CORO2B: variants seen among roughly 807,000 people sequenced by gnomAD.
CORO2B encodes coronin 2B, also known as coronin-2B.
A neutral mutation model predicts 58.8 loss-of-function variants in CORO2B; 26 were observed. The observed-to-expected ratio is 0.44, with a 90% CI of 0.32 to 0.61. The LOEUF (loss-of-function observed/expected upper bound fraction) is 0.61, where lower values mean the gene tolerates loss of function less well. Ranked by LOEUF, CORO2B falls within the 20% of genes least tolerant of loss-of-function variation. CORO2B has a pLI of 0.04. For synonymous variants in CORO2B, 242 were observed against 253.8 expected, an observed-to-expected ratio of 0.95 and a Z score of 0.44; for missense variants, 460 against 645.1, an observed-to-expected ratio of 0.71 and a Z score of 3.11.
chr15:68,668,672 G>A (rs1902278065), intron 2 of CORO2B, among the ~76,000 whole-genome samples: 1 of 152,288 alleles, frequency 6.6e-6, no homozygotes. Flanking sequence ...TGGAGACCAC[G>A]CCAGTTTGGA....
chr15:68,707,843 T>A (rs1413783827), intron 3 of CORO2B, among the ~76,000 whole-genome samples: 1 of 152,128 alleles, frequency 6.6e-6, no homozygotes, highest in Non-Finnish European at 1.5e-5. Flanking sequence ...CTCAGTCACT[T>A]CCAGACCAGT....
intron 1 of CORO2B, among the ~76,000 whole-genome samples, chr15:68,592,593 TG>T (rs921144173): frequency 3.3e-5 from 5 of 152,298 alleles, no homozygotes; most frequent in Admixed American, 6.5e-5. Context: ...AATAAATAAA[TG>T]AAAAAAGATT....
chr15:68,570,719 AG>A, the CORO2B span, among the ~76,000 whole-genome samples: 2 of 150,828 alleles, frequency 1.3e-5, no homozygotes, highest in Non-Finnish European at 3.0e-5. Context: ...AGGGAAGGAA[AG>A]GGTCTGTGTT....
At chr15:68,609,418 G>GT (rs1435380615) in intron 1 of CORO2B, among the ~76,000 whole-genome samples, 1 of 152,208 alleles carries the variant, frequency 6.6e-6, no homozygotes, top group Non-Finnish European at 1.5e-5. Flanking sequence ...GGCTGTGGCT[G>GT]TGCAGGCTTT....
intron 2 of CORO2B, among the ~76,000 whole-genome samples, chr15:68,653,227 G>C (rs1210982961): frequency 6.6e-6 from 1 of 152,224 alleles, no homozygotes; most frequent in Non-Finnish European, 1.5e-5. Flanking sequence ...TCATCTAACA[G>C]ATGGGTATTG....
At chr15:68,619,799 A>G (rs978895807) in intron 1 of CORO2B, among the ~76,000 whole-genome samples, 4 of 152,116 alleles carry the variant, frequency 2.6e-5, no homozygotes, top group African/African-American at 9.7e-5. Context: ...CTCAGTGTGA[A>G]TAGTAGGACC....
At chr15:68,593,244 T>A (rs1565563) in intron 1 of CORO2B, among the ~76,000 whole-genome samples, 10 of 152,186 alleles carry the variant, frequency 6.6e-5, no homozygotes, top group African/African-American at 1.4e-4. Context: ...TTGGCAGAGA[T>A]ATTCAAACCG....
At chr15:68,623,108 T>A (rs150217943) in intron 1 of CORO2B, among the ~76,000 whole-genome samples, 42 of 152,122 alleles carry the variant, frequency 2.8e-4, no homozygotes, top group Middle Eastern at 3.4e-3. Flanking sequence ...GAGGTTGCAG[T>A]GAGCCGAGAT....
At chr15:68,706,707 ATTTT>A (rs1000025885) in intron 3 of CORO2B, among the ~76,000 whole-genome samples, 1 of 151,026 alleles carries the variant, frequency 6.6e-6, no homozygotes, top group African/African-American at 2.4e-5. Context: ...GATGCCTGGT[ATTTT>A]TTTTTCTTTT....
At chr15:68,680,191 C>CA (rs1432211577) in intron 2 of CORO2B, among the ~76,000 whole-genome samples, 34 of 152,142 alleles carry the variant, frequency 2.2e-4, no homozygotes, top group African/African-American at 7.2e-4. Flanking sequence ...ACAACAGTAT[C>CA]TTTGCAGCTG....
intron 2 of CORO2B, among the ~76,000 whole-genome samples, chr15:68,649,652 T>C (rs1001611456): frequency 6.6e-6 from 1 of 152,242 alleles, no homozygotes; most frequent in Non-Finnish European, 1.5e-5. Context: ...GAAGGAATTT[T>C]AAACTATGTA....
chr15:68,705,309 G>A (rs1452113558), intron 3 of CORO2B, among the ~76,000 whole-genome samples: 2 of 151,876 alleles, frequency 1.3e-5, no homozygotes, highest in Admixed American at 6.6e-5. Context: ...GTGGTGGTGG[G>A]CGCCTATAAT....
chr15:68,725,843 C>G lies in CORO2B; in HGVS notation c.1312C>G (p.Leu438Val). 17 of 1,613,668 alleles carry G rather than the reference C, an allele frequency of 1.1e-5. No homozygotes were observed. The highest frequency in any genetic ancestry group is 1.3e-5 in the Non-Finnish European group (15 of 1,179,988). The change falls in exon 12 of 12, where the codon CTC (leucine) becomes GTC (valine). Residue 438 changes from leucine to valine, a missense_variant and splice_region_variant. Transcript: ENST00000261861. ...GGCCCCCTCTCTTCCTCCACCCCAG[C>G]TCCTTCGAATGTTCTTCCGGCAGCA... Reference protein sequence around the residue: ...ENVPPRTENELLRMFFRQQDE... With the variant: ...ENVPPRTENEVLRMFFRQQDE...
the CORO2B span, among the ~76,000 whole-genome samples, chr15:68,542,826 G>T: frequency 6.6e-6 from 1 of 152,250 alleles, no homozygotes; most frequent in Non-Finnish European, 1.5e-5. Context: ...CCATGTGCCT[G>T]GAAGGAGGGA....
At chr15:68,600,952 A>G (rs942670494) in intron 1 of CORO2B, among the ~76,000 whole-genome samples, 1 of 152,170 alleles carries the variant, frequency 6.6e-6, no homozygotes, top group African/African-American at 2.4e-5. Context: ...AAATGACCGG[A>G]GAGAGAGGAA....
intron 1 of CORO2B, among the ~76,000 whole-genome samples, chr15:68,631,508 T>A (rs1391153160): frequency 6.6e-6 from 1 of 152,184 alleles, no homozygotes; most frequent in East Asian, 1.9e-4. Context: ...CATCCTCTGT[T>A]TGGCCCACTT....
intron 1 of CORO2B, among the ~76,000 whole-genome samples, chr15:68,631,671 A>T (rs1234110730): frequency 6.6e-6 from 1 of 152,176 alleles, no homozygotes; most frequent in Non-Finnish European, 1.5e-5. Flanking sequence ...GAACCAACCA[A>T]CCCTGAAGTA....
At chr15:68,670,886 G>C (rs1426689608) in intron 2 of CORO2B, among the ~76,000 whole-genome samples, 1 of 152,142 alleles carries the variant, frequency 6.6e-6, no homozygotes, top group Non-Finnish European at 1.5e-5. Context: ...ATTGTGAAAG[G>C]CATCTTAAAA....
the CORO2B span, among the ~76,000 whole-genome samples, chr15:68,529,600 T>C: frequency 1.3e-5 from 1 of 79,368 alleles, no homozygotes; most frequent in Non-Finnish European, 2.7e-5. Context: ...ATGTTAGCAC[T>C]CATGCTCACT....
Sources: gnomAD v4.1 joint callset for allele counts (sites outside exome capture counted in the v4.1 genomes callset) on GRCh38, gnomAD v4.1.1 for gene constraint, MANE v1.5 for transcripts, NCBI Gene and HGNC (gene_info 2026-07-23, HGNC 2026-07-21) for gene names.